Variants in GOLGA7B observed in about 807,000 individuals in gnomAD.
The protein encoded by GOLGA7B is golgin A7 family member B.
Under a neutral mutation model 21.5 loss-of-function variants are expected in GOLGA7B, and 17 were observed. The observed-to-expected ratio is 0.79, with a 90% confidence interval of 0.54 to 1.19. The LOEUF is 1.19. Ranked by LOEUF, GOLGA7B falls within the 50% of genes most tolerant of loss-of-function variation. The pLI is 0.00. For synonymous variants in GOLGA7B, 87 were observed against 84.0 expected (o/e 1.04, Z -0.19); for missense variants, 169 against 224.4 (o/e 0.75, Z 1.58).
Position 97,864,292 on chromosome 10 carries a change from G to A in GOLGA7B, c.393+23G>A, listed in dbSNP as rs1486926414. ...GTTGTATCCTTCTGGGCTATTCTGT[G>A]TTGAGGGCACAGGACTGCTAACCAG... On this transcript the variant is annotated intron_variant, in intron 4 of 4. Transcript: ENST00000370602. The A allele has an allele frequency of 1.9e-6, 3 of 1,593,826 alleles. No individual in the cohort carries two copies. The Admixed American group carries it at 5.0e-5, about 27-fold the overall frequency.
chr10:97,864,393 C>T (rs2049996165), intron 4 of GOLGA7B, 124 bp downstream of exon 4: 2 of 706,090 alleles, frequency 2.8e-6, no homozygotes, highest in Non-Finnish European at 2.4e-6. Flanking sequence ...GGATTCCCCA[C>T]ATCAGTGGTC....
At position 97,868,547 on chromosome 10, in the gene GOLGA7B, C is replaced by T. The variant is rs2050053880; in HGVS notation, c.*2847C>T. 6.6e-6 allele frequency: 1 copy of T among 152,276 alleles called. No individual in the cohort carries two copies. The highest frequency in any genetic ancestry group is 1.5e-5 in the Non-Finnish European group (1 of 68,094). The allele number at this position is 152,276 out of a possible 1,614,324, so 9.4% of individuals were successfully genotyped here. On this transcript the variant is annotated 3_prime_UTR_variant, in exon 5 of 5. Transcript: ENST00000370602. ...TGGGCAGTCCCCTCTGGGTGGTTCT[C>T]ATGTTTGTTGTCACTGCCGCTAAGG...
At chr10:97,861,272 CCT>C (rs2049969675) in intron 2 of GOLGA7B, among the ~76,000 whole-genome samples, 1 of 152,224 alleles carries the variant, frequency 6.6e-6, no homozygotes, top group African/African-American at 2.4e-5. Context: ...AAGTGCCCCG[CCT>C]CTCTGCTTTT....
chr10:97,851,612 A>G (rs1449660779), intron 1 of GOLGA7B, among the ~76,000 whole-genome samples: 1 of 152,216 alleles, frequency 6.6e-6, no homozygotes, highest in African/African-American at 2.4e-5. Context: ...AAAGGGAGAA[A>G]CCAAGGAGTT....
At chr10:97,860,542 G>A (rs1032690800) in intron 2 of GOLGA7B, among the ~76,000 whole-genome samples, 1 of 152,042 alleles carries the variant, frequency 6.6e-6, no homozygotes, top group Non-Finnish European at 1.5e-5. Flanking sequence ...TAGTAGAGAC[G>A]GGGTTTTGCC....
At position 97,859,498 on chromosome 10, in the gene GOLGA7B, C is replaced by T. The variant is rs765913755; in HGVS notation, c.53C>T (p.Ala18Val). The change falls in exon 2 of 5, where the codon GCC becomes GTC. Residue 18 changes from alanine (A) to valine (V), a missense_variant. Ala to Val is a moderately conservative substitution (Grantham distance 64). Coordinates refer to ENST00000370602, the MANE Select transcript of GOLGA7B (RefSeq NM_001010917.3). Reference sequence around the variant, plus strand: ...GAGCTCCGGCGAAGTGCCTCACTGGCCACCAAGGTCTTTATCCAGAGAGAC... The same window carrying T: ...GAGCTCCGGCGAAGTGCCTCACTGGTCACCAAGGTCTTTATCCAGAGAGAC... Reference protein sequence around the residue: ...LQELRRSASLATKVFIQRDYS... With the variant: ...LQELRRSASLVTKVFIQRDYS... 9 of 1,614,058 alleles carry T rather than the reference C, an allele frequency of 5.6e-6. No individual in the cohort carries two copies. The highest frequency in any genetic ancestry group is 6.8e-6 in the Non-Finnish European group (8 of 1,179,912).
intron 2 of GOLGA7B, among the ~76,000 whole-genome samples, chr10:97,861,970 A>T (rs2049974033): frequency 6.6e-6 from 1 of 152,224 alleles, no homozygotes. Context: ...CTAGAGAGGC[A>T]GGGAGGTCCC....
rs1013320747 is a variant in GOLGA7B at position 97,869,045 on chromosome 10, A to C, written c.*3345A>C. The C allele has an allele frequency of 9.2e-5, 14 of 152,242 alleles. No homozygotes were observed. Among genetic ancestry groups the C allele is most frequent in the African/African-American group, 3.4e-4 (14 of 41,462 alleles). 9.4% of individuals were successfully genotyped at this position (152,242 alleles called of 1,614,324 possible). The stretch of plus-strand genomic sequence containing the variant: ...TGGGAAATTGCAGATCTTGGCTTTG[A>C]ATCTAGGCAATCTGACTCCAAACTG... On this transcript the variant is annotated 3_prime_UTR_variant, in exon 5 of 5. Transcript: ENST00000370602.
intron 4 of GOLGA7B, chr10:97,864,903 C>G (rs145435938): frequency 5.9e-5 from 9 of 152,222 alleles, no homozygotes; most frequent in African/African-American, 2.2e-4. Context: ...ACAAATCCCT[C>G]CCCCCGGGCA....
chr10:97,864,409 C>T lies in GOLGA7B; in HGVS notation c.393+140C>T, dbSNP rs188493911. The T allele has an allele frequency of 2.2e-5, 14 of 640,124 alleles. No homozygotes were observed. In the East Asian group the frequency reaches 3.6e-4, roughly 16 times the overall value. 39.7% of individuals were successfully genotyped at this position (640,124 alleles called of 1,614,324 possible). ...GATTCCCCACATCAGTGGTCCTCAG[C>T]CCTCCTCCACCACCCTAAGTTATTG... On this transcript the variant is annotated intron_variant, in intron 4 of 4. Transcript: ENST00000370602.
chr10:97,867,506 A>G lies in GOLGA7B; in HGVS notation c.*1806A>G, dbSNP rs964991041. ...CCCAGAGACCAGAGAGAGTCAGCCT[A>G]GTCCTTGCAGCCTCAGGAAGTCCTC... is the stretch of plus-strand genomic sequence containing the variant. On this transcript the variant is annotated 3_prime_UTR_variant, in exon 5 of 5. Transcript: ENST00000370602. The G allele has an allele frequency of 9.8e-5, 15 of 152,430 alleles. No individual in the cohort carries two copies. In the East Asian group the frequency reaches 1.5e-3, roughly 16 times the overall value. The allele number at this position is 152,430 out of a possible 1,614,324, so 9.4% of individuals were successfully genotyped here. A position where few individuals can be genotyped will look rare whatever the true frequency, so the allele number is the denominator to read the frequency against.
At chr10:97,863,236 A>G (rs528956097) in intron 2 of GOLGA7B, among the ~76,000 whole-genome samples, 2 of 152,286 alleles carry the variant, frequency 1.3e-5, no homozygotes, top group Admixed American at 6.5e-5. Context: ...TCACCTGTAA[A>G]ATGGGGATGG....
chr10:97,868,749 T>C lies in GOLGA7B; in HGVS notation c.*3049T>C, dbSNP rs1179734321. 1 of 152,236 alleles carries C rather than the reference T, an allele frequency of 6.6e-6. No homozygotes were observed. 9.4% of individuals were successfully genotyped at this position (152,236 alleles called of 1,614,324 possible). A position where few individuals can be genotyped will look rare whatever the true frequency, so the allele number is the denominator to read the frequency against. ...AATCCAAACTCAGCTCTTCTAGAGA[T>C]GAGGTCCTGGGGAGGGGGTGAGGAT... On this transcript the variant is annotated 3_prime_UTR_variant, in exon 5 of 5. Coordinates refer to ENST00000370602, the MANE Select transcript of GOLGA7B (RefSeq NM_001010917.3).
intron 1 of GOLGA7B, among the ~76,000 whole-genome samples, chr10:97,853,438 G>C (rs1457738793): frequency 2.6e-5 from 4 of 152,228 alleles, no homozygotes; most frequent in Non-Finnish European, 4.4e-5. Flanking sequence ...ACCCCAGCTA[G>C]TTGACTGTCA....
intron 1 of GOLGA7B, among the ~76,000 whole-genome samples, chr10:97,857,359 C>G (rs1242361435): frequency 1.1e-5 from 1 of 94,386 alleles, no homozygotes; most frequent in African/African-American, 4.3e-5. Flanking sequence ...TTTACAATAG[C>G]CAGACACACA....
chr10:97,865,443 G>A, intron 4 of GOLGA7B, 147 bp from the exon 5 acceptor site: 1 of 1,394,160 alleles, frequency 7.2e-7, no homozygotes, highest in Non-Finnish European at 9.7e-7. Flanking sequence ...CTTGGGGAGG[G>A]TCTAGCTCCC....
Position 97,864,223 on chromosome 10 carries a change from C to G in GOLGA7B, c.347C>G (p.Pro116Arg). ...IQEQNEKIFAPRGLLLTDPVE... is the reference protein window; with the variant it reads ...IQEQNEKIFARRGLLLTDPVE... ...GAGCAGAATGAGAAGATCTTTGCAC[C>G]TCGAGGCCTCCTACTTACAGACCCT... Residue 116 changes from proline to arginine, a missense_variant, in exon 4 of 5, where the codon CCT (proline) becomes CGT (arginine). Transcript: ENST00000370602. 6.2e-7 allele frequency: 1 copy of G among 1,614,162 alleles called. No homozygotes were observed. Among genetic ancestry groups the G allele is most frequent in the South Asian group, 1.1e-5 (1 of 91,082 alleles).
Position 97,865,464 on chromosome 10 carries a change from AT to A in GOLGA7B, c.394-125del, listed in dbSNP as rs2050008640. Reference sequence around the variant, plus strand: ...GAGGGTCTAGCTCCCAGGCCTTTACATCCCTACTGTCTAGGCAGCAGCACAA... The same window carrying A: ...GAGGGTCTAGCTCCCAGGCCTTTACACCCTACTGTCTAGGCAGCAGCACAA... On this transcript the variant is annotated intron_variant, in intron 4 of 4. Coordinates refer to ENST00000370602, the MANE Select transcript of GOLGA7B (RefSeq NM_001010917.3). The A allele has an allele frequency of 2.0e-6, 3 of 1,504,104 alleles. No individual in the cohort carries two copies. The Admixed American group carries it at 6.1e-5, about 31-fold the overall frequency. 93.2% of individuals were successfully genotyped at this position (1,504,104 alleles called of 1,614,324 possible).
At chr10:97,861,441 G>A (rs1034983798) in intron 2 of GOLGA7B, among the ~76,000 whole-genome samples, 2 of 152,236 alleles carry the variant, frequency 1.3e-5, no homozygotes, top group African/African-American at 2.4e-5. Context: ...AGGCAAAGGG[G>A]AGAGCCAGAT....
Sources: gnomAD v4.1 joint callset for allele counts (sites outside exome capture counted in the v4.1 genomes callset) on GRCh38, gnomAD v4.1.1 for gene constraint, MANE v1.5 for transcripts, NCBI Gene and HGNC (gene_info 2026-07-23, HGNC 2026-07-21) for gene names.